Variants in THRAP3 observed in about 807,000 individuals in gnomAD.
THRAP3 encodes the protein thyroid hormone receptor associated protein 3, also known as thyroid hormone receptor-associated protein 3.
Under a neutral mutation model 101.0 loss-of-function variants are expected in THRAP3, and 16 were observed. The ratio of observed to expected loss-of-function variants is 0.16; its 90% CI spans 0.11 to 0.24. The LOEUF (loss-of-function observed/expected upper bound fraction) is 0.24. Ranked by LOEUF, THRAP3 falls within the 10% of genes least tolerant of loss-of-function variation. THRAP3 has a pLI of 1.00. For missense variants in THRAP3, 989 were observed against 1,202.7 expected (o/e 0.82, Z 2.63); for synonymous variants, 407 against 422.6 (o/e 0.96, Z 0.45).
chr1:36,270,504 A>C (rs1645575560), intron 2 of THRAP3, among the ~76,000 whole-genome samples: 2 of 151,892 alleles, frequency 1.3e-5, no homozygotes, highest in Non-Finnish European at 2.9e-5. Context: ...AAGTAGATTT[A>C]CTGTGAGAAG....
chr1:36,293,028 C>CTTTTTTTTTTTT (rs71053920), intron 7 of THRAP3, among the ~76,000 whole-genome samples: 4,378 of 82,770 alleles, frequency 0.053, 924 homozygotes, highest in Middle Eastern at 0.14. Context: ...CTTTTCTTGT[C>CTTTTTTTTTTTT]TTTTTTTTTT....
At chr1:36,290,590 C>G (rs1645855729) in intron 5 of THRAP3, among the ~76,000 whole-genome samples, 1 of 152,278 alleles carries the variant, frequency 6.6e-6, no homozygotes, top group Non-Finnish European at 1.5e-5. Context: ...CTTAGCCTCC[C>G]CAGTAGTTGG....
intron 9 of THRAP3, among the ~76,000 whole-genome samples, chr1:36,299,093 C>T (rs527299519): frequency 1.2e-4 from 19 of 152,190 alleles, no homozygotes; most frequent in African/African-American, 3.6e-4. Flanking sequence ...TGTGCCCAGC[C>T]AGAACTTTTT....
intron 1 of THRAP3, among the ~76,000 whole-genome samples, chr1:36,249,089 T>TG (rs1234624626): frequency 5.3e-5 from 8 of 151,964 alleles, no homozygotes; most frequent in Non-Finnish European, 1.0e-4. Context: ...GGTTTCACCA[T>TG]GTTAGCCAGG....
intron 7 of THRAP3, 144 bp downstream of exon 7, chr1:36,292,853 AT>A: frequency 1.6e-6 from 1 of 608,208 alleles, no homozygotes; most frequent in Non-Finnish European, 2.9e-6. Context: ...AGCTATAGGC[AT>A]TTATATTTGA....
At chr1:36,230,365 G>A (rs904064340) in intron 1 of THRAP3, among the ~76,000 whole-genome samples, 2 of 150,996 alleles carry the variant, frequency 1.3e-5, no homozygotes, top group Admixed American at 1.3e-4. Context: ...TGATCCGCCC[G>A]CTTCGGCCTC....
chr1:36,295,870 G>T (rs1043287980), intron 8 of THRAP3, among the ~76,000 whole-genome samples: 1 of 150,874 alleles, frequency 6.6e-6, no homozygotes, highest in East Asian at 2.0e-4. Flanking sequence ...GGTAGGGGAA[G>T]GTGAGCTTTT....
chr1:36,295,997 A>G (rs1303367583), intron 8 of THRAP3, among the ~76,000 whole-genome samples: 1 of 65,042 alleles, frequency 1.5e-5, no homozygotes, highest in Admixed American at 2.5e-4. Context: ...TTTTTGAGAG[A>G]TAGTCTTGTT....
At chr1:36,295,348 C>T (rs887308194) in intron 8 of THRAP3, among the ~76,000 whole-genome samples, 4 of 151,666 alleles carry the variant, frequency 2.6e-5, no homozygotes, top group African/African-American at 4.8e-5. Context: ...ATGAACTGCT[C>T]ATTTCTTCCT....
rs1042214346 is a variant in THRAP3, at chr1:36,304,062, G to A, written c.*45G>A. ...TCCTGCCCAGGGGAGAGAGGCGCTG[G>A]GAAGATGGCTGGTGAGGAGCTTAAC... On this transcript the variant is annotated 3_prime_UTR_variant, in exon 12 of 12. Coordinates refer to ENST00000354618, the MANE Select transcript of THRAP3 (RefSeq NM_005119.4). The A allele has an allele frequency of 1.1e-5, 16 of 1,458,564 alleles. No homozygotes were observed. The African/African-American group carries it at 2.2e-4, about 20-fold the overall frequency. 90.4% of individuals were successfully genotyped at this position (1,458,564 alleles called of 1,614,324 possible).
chr1:36,292,825 T>G, intron 7 of THRAP3, 116 bp downstream of exon 7: 1 of 714,166 alleles, frequency 1.4e-6, no homozygotes, highest in Non-Finnish European at 2.4e-6. Flanking sequence ...TACAGTAACA[T>G]CCTTCAGACT....
intron 1 of THRAP3, among the ~76,000 whole-genome samples, chr1:36,237,338 A>G (rs1258996121): frequency 1.3e-5 from 2 of 151,226 alleles, no homozygotes; most frequent in African/African-American, 2.4e-5. Context: ...CGTGTTGGCA[A>G]GCACCTGTAA....
the THRAP3 span, among the ~76,000 whole-genome samples, chr1:36,208,966 C>CTTTT: frequency 1.9e-5 from 1 of 51,880 alleles, no homozygotes; most frequent in African/African-American, 6.6e-5. Flanking sequence ...CATGTCCAGC[C>CTTTT]TTTTTTTTTT....
intron 2 of THRAP3, among the ~76,000 whole-genome samples, chr1:36,274,625 CTTTTTTTTTT>C (rs573419051): frequency 3.4e-5 from 2 of 59,288 alleles, no homozygotes; most frequent in Admixed American, 2.5e-4. Flanking sequence ...ATTAATTGGG[CTTTTTTTTTT>C]TTTTTTTTTT....
chr1:36,302,318 C>T (rs1418579322), intron 11 of THRAP3, among the ~76,000 whole-genome samples: 1 of 152,208 alleles, frequency 6.6e-6, no homozygotes, highest in Non-Finnish European at 1.5e-5. Flanking sequence ...GCTGAATCTC[C>T]ATCACTTGCC....
chr1:36,260,630 G>A (rs1360715053), intron 2 of THRAP3, among the ~76,000 whole-genome samples: 3 of 151,946 alleles, frequency 2.0e-5, no homozygotes, highest in Non-Finnish European at 2.9e-5. Flanking sequence ...AGACCATCCT[G>A]GCTAACACGG....
chr1:36,210,726 T>TATC, the THRAP3 span, among the ~76,000 whole-genome samples: 2 of 1,848 alleles, frequency 1.1e-3, no homozygotes, highest in Non-Finnish European at 1.5e-3. Context: ...TATATATATA[T>TATC]ATATATATAT....
intron 2 of THRAP3, among the ~76,000 whole-genome samples, chr1:36,261,303 CG>C (rs1238436333): frequency 1.3e-5 from 2 of 151,848 alleles, no homozygotes; most frequent in African/African-American, 4.8e-5. Context: ...GAGGCCAAGG[CG>C]GGCAGATCAC....
the THRAP3 span, among the ~76,000 whole-genome samples, chr1:36,218,495 T>C: frequency 6.9e-6 from 1 of 144,048 alleles, no homozygotes; most frequent in South Asian, 2.2e-4. Context: ...GGTGGGTGGA[T>C]CACAAGGTCA....
Sources: allele counts gnomAD v4.1 joint callset (sites outside exome capture counted in the v4.1 genomes callset), GRCh38; gene constraint gnomAD v4.1.1; transcripts MANE v1.5; gene names NCBI Gene and HGNC (gene_info 2026-07-23, HGNC 2026-07-21).